Variants in TBC1D30 observed in about 807,000 individuals in gnomAD.
TBC1D30 encodes the protein TBC1 domain family, member 30.
TBC1D30 carries 31 observed loss-of-function variants against 63.2 expected under a neutral mutation model. That is an observed-to-expected ratio of 0.49 (90% CI 0.37 to 0.66). TBC1D30 has a LOEUF of 0.66. Ranked by LOEUF, TBC1D30 falls within the 30% of genes least tolerant of loss-of-function variation. The pLI is 0.00. For missense variants in TBC1D30, 810 were observed against 953.6 expected, an observed-to-expected ratio of 0.85 and a Z score of 1.98; for synonymous variants, 307 against 361.5, an observed-to-expected ratio of 0.85 and a Z score of 1.71.
intron 5 of TBC1D30, 45 bp downstream of exon 5, chr12:64,832,349 G>T: frequency 6.7e-7 from 1 of 1,498,412 alleles, no homozygotes; most frequent in Non-Finnish European, 8.9e-7. Context: ...TCTTCTGAGA[G>T]TGAGAAATTG....
At chr12:64,776,326 T>G (rs1372713648), upstream of TBC1D30, among the ~76,000 whole-genome samples, 1 of 152,094 alleles carries the variant, frequency 6.6e-6, no homozygotes, top group Non-Finnish European at 1.5e-5. Context: ...AGGAGCTAGT[T>G]TTTTTTGAAA....
chr12:64,828,885 C>T (rs1874593873), intron 3 of TBC1D30, among the ~76,000 whole-genome samples: 2 of 152,114 alleles, frequency 1.3e-5, no homozygotes, highest in Non-Finnish European at 2.9e-5. Flanking sequence ...GAGTAGGCCC[C>T]TGAAGGAGGT....
chr12:64,781,179 C>T lies in TBC1D30; in HGVS notation c.371C>T (p.Ser124Phe), dbSNP rs1266219133. 7.6e-6 allele frequency: 8 copies of T among 1,050,488 alleles called. No individual in the cohort carries two copies. The African/African-American group carries it at 1.4e-4, about 18-fold the overall frequency. 65.1% of individuals were successfully genotyped at this position (1,050,488 alleles called of 1,614,324 possible). A position where few individuals can be genotyped will look rare whatever the true frequency, so the allele number is the denominator to read the frequency against. The change falls in exon 1 of 13, where the codon TCC (serine) becomes TTC (phenylalanine). Residue 124 changes from serine (S) to phenylalanine (F), a missense_variant. Physicochemically the swap from Ser to Phe is radical, Grantham distance 155. Transcript: ENST00000542120. Reference sequence around the variant, plus strand: ...GACAGCTCCACCGAGGCCTCGGGCTCCGACGTGGTCCTGGGCGGCCGCAGC... The same window carrying T: ...GACAGCTCCACCGAGGCCTCGGGCTTCGACGTGGTCCTGGGCGGCCGCAGC...
upstream of TBC1D30, among the ~76,000 whole-genome samples, chr12:64,778,042 G>A (rs557428834): frequency 6.6e-6 from 1 of 152,190 alleles, no homozygotes; most frequent in African/African-American, 2.4e-5. Context: ...TATTACAGGC[G>A]TGAGCCACTG....
chr12:64,769,903 A>T (rs1198627292), intron 1 of TBC1D30, among the ~76,000 whole-genome samples: 1 of 152,226 alleles, frequency 6.6e-6, no homozygotes, highest in Non-Finnish European at 1.5e-5. Context: ...TATAAATTGT[A>T]ATTTTGCAAT....
chr12:64,767,266 G>A (rs890335439), intron 1 of TBC1D30, among the ~76,000 whole-genome samples: 4 of 151,926 alleles, frequency 2.6e-5, no homozygotes, highest in Non-Finnish European at 5.9e-5. Context: ...TCTTTGGAAA[G>A]ATTAACAAAA....
upstream of TBC1D30, among the ~76,000 whole-genome samples, chr12:64,821,396 G>C (rs1228507533): frequency 6.6e-6 from 1 of 152,212 alleles, no homozygotes; most frequent in Non-Finnish European, 1.5e-5. Flanking sequence ...TCCAGAGACA[G>C]TGTTGTAGAA....
chr12:64,833,084 G>C (rs1243184478), intron 5 of TBC1D30, among the ~76,000 whole-genome samples: 1 of 152,118 alleles, frequency 6.6e-6, no homozygotes, highest in African/African-American at 2.4e-5. Flanking sequence ...TGTTAGAACT[G>C]CCTCCCACAC....
intron 8 of TBC1D30, among the ~76,000 whole-genome samples, chr12:64,863,028 G>A (rs1247814729): frequency 2.0e-5 from 3 of 152,204 alleles, no homozygotes; most frequent in African/African-American, 7.2e-5. Context: ...AAGCGGGGAA[G>A]AATTCTGCAG....
intron 1 of TBC1D30, among the ~76,000 whole-genome samples, chr12:64,763,634 G>C (rs1260341203): frequency 6.9e-6 from 1 of 144,430 alleles, no homozygotes; most frequent in Middle Eastern, 3.5e-3. Context: ...TTTTGAGACA[G>C]AGTCTTGCTC....
intron 8 of TBC1D30, among the ~76,000 whole-genome samples, chr12:64,854,377 A>G (rs1877122276): frequency 6.6e-6 from 1 of 151,648 alleles, no homozygotes; most frequent in South Asian, 2.1e-4. Flanking sequence ...AAAACTCCAT[A>G]CTTTAACTTT....
rs1304959465 is a variant in TBC1D30 at position 64,878,658 on chromosome 12, A to G, written c.*2870A>G. 4.8e-6 allele frequency: 2 copies of G among 419,758 alleles called. No homozygotes were observed. Among genetic ancestry groups the G allele is most frequent in the Non-Finnish European group, 9.6e-6 (2 of 207,420 alleles). The allele number at this position is 419,758 out of a possible 1,614,324, so 26.0% of individuals were successfully genotyped here. A position where few individuals can be genotyped will look rare whatever the true frequency, so the allele number is the denominator to read the frequency against. On this transcript the variant is annotated 3_prime_UTR_variant, in exon 12 of 12. Coordinates refer to ENST00000539867, the MANE Select transcript of TBC1D30 (RefSeq NM_015279.2). ...ACTGTTCTGCCATTTTCTGAGTGCA[A>G]GCATGGAACACTGTTGTGACAGTCC...
At chr12:64,855,154 C>T (rs928441268) in intron 8 of TBC1D30, among the ~76,000 whole-genome samples, 1 of 152,130 alleles carries the variant, frequency 6.6e-6, no homozygotes, top group Non-Finnish European at 1.5e-5. Flanking sequence ...ATGCCACTCT[C>T]TCCTGGCCTG....
intron 2 of TBC1D30, among the ~76,000 whole-genome samples, chr12:64,809,777 T>C (rs993349542): frequency 6.6e-6 from 1 of 152,224 alleles, no homozygotes; most frequent in African/African-American, 2.4e-5. Context: ...GTTTGTGGCT[T>C]TGGATCAATA....
intron 1 of TBC1D30, among the ~76,000 whole-genome samples, chr12:64,775,102 AAAATAT>A (rs771605040): frequency 1.9e-4 from 27 of 145,460 alleles, no homozygotes; most frequent in African/African-American, 2.0e-4. Context: ...CAAAAAAAAA[AAAATAT>A]ATATATATAG....
chr12:64,873,087 G>A (rs1470061903), intron 11 of TBC1D30, among the ~76,000 whole-genome samples: 2 of 152,170 alleles, frequency 1.3e-5, no homozygotes, highest in Non-Finnish European at 2.9e-5. Flanking sequence ...AGCAGCACAG[G>A]TGGAGAGATT....
chr12:64,796,467 A>G (rs1297665443), intron 2 of TBC1D30, among the ~76,000 whole-genome samples: 3 of 152,120 alleles, frequency 2.0e-5, no homozygotes, highest in East Asian at 1.9e-4. Flanking sequence ...GAGAAGTATT[A>G]TACTATTTAT....
At chr12:64,807,921 T>TTTTTTTTTTTTC (rs1872976176) in intron 2 of TBC1D30, among the ~76,000 whole-genome samples, 1 of 139,146 alleles carries the variant, frequency 7.2e-6, no homozygotes, top group African/African-American at 2.8e-5. Flanking sequence ...AATTTAAGTT[T>TTTTTTTTTTTTC]TTTTTTTTTT....
chr12:64,820,029 A>G (rs1278014828), upstream of TBC1D30, among the ~76,000 whole-genome samples: 4 of 152,146 alleles, frequency 2.6e-5, no homozygotes, highest in Non-Finnish European at 5.9e-5. Flanking sequence ...TTCCAGGCCC[A>G]CTTCCCCAGA....
Sources: allele counts gnomAD v4.1 joint callset (sites outside exome capture counted in the v4.1 genomes callset), GRCh38; gene constraint gnomAD v4.1.1; transcripts MANE v1.5; gene names NCBI Gene and HGNC (gene_info 2026-07-23, HGNC 2026-07-21).